Variants in NRXN1 observed in about 807,000 individuals in gnomAD.
The protein encoded by NRXN1 is neurexin-1.
A neutral mutation model predicts 150.9 loss-of-function variants in NRXN1; 39 were observed. That is an observed-to-expected ratio of 0.26 (90% confidence interval 0.20 to 0.34). The LOEUF (loss-of-function observed/expected upper bound fraction) is 0.34. Ranked by LOEUF, NRXN1 falls within the 10% of genes least tolerant of loss-of-function variation. The pLI, the probability that NRXN1 is intolerant of heterozygous loss-of-function variation, is 1.00. For synonymous variants in NRXN1, 924 were observed against 757.0 expected (o/e 1.22, Z -3.62); for missense variants, 1,815 against 1,949.9 (o/e 0.93, Z 1.30).
intron 8 of NRXN1, among the ~76,000 whole-genome samples, chr2:50,559,305 G>C (rs1178306070): frequency 6.6e-6 from 1 of 152,154 alleles, no homozygotes; most frequent in East Asian, 1.9e-4. Context: ...ATCTGGGTAA[G>C]AAAGAGCTCA....
chr2:50,985,178 A>C (rs1304691657), intron 2 of NRXN1, among the ~76,000 whole-genome samples: 1 of 152,006 alleles, frequency 6.6e-6, no homozygotes, highest in Non-Finnish European at 1.5e-5. Context: ...TCACATGGAC[A>C]AAAATGCTGT....
chr2:50,232,902 A>G (rs2065079701), intron 18 of NRXN1, among the ~76,000 whole-genome samples: 1 of 152,064 alleles, frequency 6.6e-6, no homozygotes, highest in Non-Finnish European at 1.5e-5. Context: ...CACCATAACC[A>G]ATTCTTAGTT....
chr2:50,754,035 A>G (rs1700913551), intron 5 of NRXN1, among the ~76,000 whole-genome samples: 1 of 151,772 alleles, frequency 6.6e-6, no homozygotes, highest in South Asian at 2.1e-4. Flanking sequence ...ATTGCAGGAA[A>G]ACATATGGCT....
At chr2:50,784,207 A>G (rs749503646) in intron 5 of NRXN1, among the ~76,000 whole-genome samples, 7 of 152,264 alleles carry the variant, frequency 4.6e-5, no homozygotes, top group Non-Finnish European at 8.8e-5. Context: ...CACTAGGGTT[A>G]TAAAATATAT....
intron 2 of NRXN1, among the ~76,000 whole-genome samples, chr2:51,022,553 CATACTTTAAG>C (rs1669788246): frequency 6.6e-6 from 1 of 152,102 alleles, no homozygotes; most frequent in South Asian, 2.1e-4. Context: ...CTTTCACTGT[CATACTTTAAG>C]AGTTTCCCAG....
intron 4 of NRXN1, among the ~76,000 whole-genome samples, chr2:50,922,328 G>A (rs145794179): frequency 6.6e-6 from 1 of 151,758 alleles, no homozygotes; most frequent in East Asian, 2.0e-4. Context: ...AACTTCTGAT[G>A]GTTCTCGGTT....
intron 16 of NRXN1, among the ~76,000 whole-genome samples, chr2:50,468,216 T>C (rs2089112107): frequency 1.3e-5 from 2 of 151,560 alleles, no homozygotes; most frequent in Non-Finnish European, 3.0e-5. Context: ...AGAAATGCAA[T>C]TGAGAAACAA....
chr2:50,597,383 C>T (rs758167074), intron 8 of NRXN1, among the ~76,000 whole-genome samples: 1 of 152,158 alleles, frequency 6.6e-6, no homozygotes, highest in Admixed American at 6.5e-5. Context: ...CCTCTCCAGC[C>T]ATAAGGCCCC....
chr2:50,289,292 G>C (rs934909297), intron 17 of NRXN1, among the ~76,000 whole-genome samples: 1 of 152,154 alleles, frequency 6.6e-6, no homozygotes, highest in South Asian at 2.1e-4. Flanking sequence ...TTGACTAAAA[G>C]AGGTAGCTGT....
intron 5 of NRXN1, among the ~76,000 whole-genome samples, chr2:50,890,642 CAGG>C (rs1442502200): frequency 6.6e-6 from 1 of 151,650 alleles, no homozygotes; most frequent in Non-Finnish European, 1.5e-5. Context: ...GTGATTATTG[CAGG>C]AGAACTTTTT....
At chr2:50,588,599 AT>A (rs1190311773) in intron 8 of NRXN1, 1 of 152,040 alleles carries the variant, frequency 6.6e-6, no homozygotes, top group Non-Finnish European at 1.5e-5. Context: ...TTGTCTATTT[AT>A]TGGCTTTTTG....
At chr2:50,850,148 A>G (rs1191497198) in intron 5 of NRXN1, among the ~76,000 whole-genome samples, 3 of 151,334 alleles carry the variant, frequency 2.0e-5, no homozygotes, top group Non-Finnish European at 2.9e-5. Context: ...GGATCACTTG[A>G]GCCCAGGCAG....
At chr2:50,773,138 G>A (rs1703207962) in intron 5 of NRXN1, among the ~76,000 whole-genome samples, 1 of 151,978 alleles carries the variant, frequency 6.6e-6, no homozygotes, top group African/African-American at 2.4e-5. Context: ...TTTCTATACA[G>A]CAGTCATTTG....
At chr2:50,401,374 G>A (rs2082379785) in intron 17 of NRXN1, among the ~76,000 whole-genome samples, 1 of 152,136 alleles carries the variant, frequency 6.6e-6, no homozygotes, top group Admixed American at 6.6e-5. Flanking sequence ...AGGACAGTCA[G>A]GAGATGTTCC....
Position 49,939,399 on chromosome 2 carries a change from A to G in NRXN1, c.4216+4305T>C, listed in dbSNP as rs570862108. Reference sequence around the variant, plus strand: ...TTCAGGTTTCTACCTGTTCACTAAGAGCTGGGGTTCAATTAGCCCTCCTCC... The same window carrying G: ...TTCAGGTTTCTACCTGTTCACTAAGGGCTGGGGTTCAATTAGCCCTCCTCC... On this transcript the variant is annotated intron_variant, in intron 22 of 22. Transcript: ENST00000401669. Among the ~76,000 whole-genome samples the G allele has an allele frequency of 6.6e-5, 10 of 152,314 alleles. No homozygotes were observed. In the South Asian group the frequency reaches 1.4e-3, roughly 22 times the overall value.
At chr2:50,435,151 A>C (rs1167674301) in intron 17 of NRXN1, among the ~76,000 whole-genome samples, 3 of 152,188 alleles carry the variant, frequency 2.0e-5, no homozygotes, top group Non-Finnish European at 4.4e-5. Context: ...TAAGTTTAGC[A>C]GAGAGAGTTG....
intron 17 of NRXN1, among the ~76,000 whole-genome samples, chr2:50,314,471 C>T (rs1274001471): frequency 6.6e-6 from 1 of 151,928 alleles, no homozygotes. Flanking sequence ...GTTTCCTTCT[C>T]ATCTTTCATC....
At chr2:50,222,401 A>C (rs888048819) in intron 18 of NRXN1, among the ~76,000 whole-genome samples, 3 of 152,024 alleles carry the variant, frequency 2.0e-5, no homozygotes, top group African/African-American at 7.2e-5. Context: ...TAATGAGACC[A>C]ATTTGCTTTT....
At chr2:50,993,946 C>T (rs2105015045) in intron 2 of NRXN1, among the ~76,000 whole-genome samples, 1 of 152,078 alleles carries the variant, frequency 6.6e-6, no homozygotes, top group Non-Finnish European at 1.5e-5. Context: ...TATTTTCCTA[C>T]ATTGACTATT....
Sources: gnomAD v4.1 joint callset for allele counts (sites outside exome capture counted in the v4.1 genomes callset) on GRCh38, gnomAD v4.1.1 for gene constraint, MANE v1.5 for transcripts, NCBI Gene and HGNC (gene_info 2026-07-23, HGNC 2026-07-21) for gene names.